POFUT1: variants seen among roughly 807,000 people sequenced by gnomAD.
POFUT1 encodes the protein GDP-fucose protein O-fucosyltransferase 1.
In POFUT1, 16 loss-of-function variants were observed where a neutral mutation model predicts 42.4. The observed-to-expected ratio is 0.38, with a 90% CI of 0.26 to 0.57. The LOEUF (loss-of-function observed/expected upper bound fraction) is 0.57. Among genes scored for constraint, POFUT1 ranks in the 20% least tolerant of loss-of-function variants. The probability of loss-of-function intolerance (pLI) is 0.71; values close to 1 mark genes in which losing one functional copy is unlikely to be tolerated. For synonymous variants in POFUT1, 206 were observed against 205.4 expected (o/e 1.00, Z -0.03); for missense variants, 470 against 504.6 (o/e 0.93, Z 0.66).
Position 32,230,900 on chromosome 20 carries a change from A to T in POFUT1, c.817A>T (p.Ser273Cys). ...TCCGCAGTGTGTGGGCTACAGCCGC[A>T]GCACAGCGGCCCCCCTCACGATGAC... ...ASPQCVGYSR[S>C]TAAPLTMTMC... Residue 273 changes from serine (S) to cysteine (C), a missense_variant, in exon 6 of 7, where the codon AGC (serine) becomes TGC (cysteine). Physicochemically the swap from Ser to Cys is moderately radical, Grantham distance 112 (BLOSUM62 -1). Coordinates refer to ENST00000375749, the MANE Select transcript of POFUT1 (RefSeq NM_015352.2). 1 of 1,614,182 alleles carries T rather than the reference A, an allele frequency of 6.2e-7. No homozygotes were observed. The highest frequency in any genetic ancestry group is 8.5e-7 in the Non-Finnish European group (1 of 1,180,026).
intron 6 of POFUT1, 144 bp from the exon 7 acceptor site, chr20:32,234,329 C>A: frequency 1.3e-6 from 1 of 780,364 alleles, no homozygotes; most frequent in South Asian, 2.0e-5. Flanking sequence ...CAATGCTTCC[C>A]TCAGACACTG....
chr20:32,233,545 G>T (rs1453124332), intron 6 of POFUT1, among the ~76,000 whole-genome samples: 1 of 152,198 alleles, frequency 6.6e-6, no homozygotes. Flanking sequence ...AGGGCGGGAA[G>T]GACAGGTGTG....
chr20:32,218,065 T>C (rs967146472), intron 4 of POFUT1: 3 of 152,218 alleles, frequency 2.0e-5, no homozygotes, highest in Admixed American at 1.3e-4. Context: ...TAAGGTCCCT[T>C]GCCCAAGGTC....
rs73903581 is a variant in POFUT1 at position 32,236,955 on chromosome 20, C to G, written c.*2294C>G. The G allele has an allele frequency of 2.6e-5, 4 of 152,176 alleles. No individual in the cohort carries two copies. The highest frequency in any genetic ancestry group is 1.3e-4 in the Admixed American group (2 of 15,278). The allele number at this position is 152,176 out of a possible 1,614,324, so 9.4% of individuals were successfully genotyped here. The stretch of plus-strand genomic sequence containing the variant: ...TAAGCCAGAATTTGACCTCCCAGAG[C>G]CAGTTTCCATTAGCTGCCATGCTCT... On this transcript the variant is annotated 3_prime_UTR_variant, in exon 7 of 7. Transcript: ENST00000375749.
At chr20:32,222,901 C>G in intron 4 of POFUT1, 5 of 985,412 alleles carry the variant, frequency 5.1e-6, no homozygotes, top group Non-Finnish European at 6.0e-6. Context: ...CCTGTGGGAA[C>G]CAGAATGAGA....
chr20:32,227,885 T>A (rs560623535), intron 4 of POFUT1, among the ~76,000 whole-genome samples: 1 of 152,316 alleles, frequency 6.6e-6, no homozygotes, highest in African/African-American at 2.4e-5. Context: ...CATGTCCCAG[T>A]CCTGCCATGT....
chr20:32,208,073 C>T lies in POFUT1; in HGVS notation c.124+8C>T, dbSNP rs1172581882. 2 of 1,544,552 alleles carry T rather than the reference C, an allele frequency of 1.3e-6. No homozygotes were observed. The highest frequency in any genetic ancestry group is 1.7e-6 in the Non-Finnish European group (2 of 1,149,224). ...TCTACTGCCCCTGCATGGGTAAGGCCTCCCAAGCCCTCTGCTCAGATGGAG... is the reference window on the plus strand; with the variant it reads ...TCTACTGCCCCTGCATGGGTAAGGCTTCCCAAGCCCTCTGCTCAGATGGAG... On this transcript the variant is annotated splice_region_variant and intron_variant, in intron 1 of 6. Transcript: ENST00000375749.
chr20:32,208,063 TG>T lies in POFUT1; in HGVS notation c.124+1del. ...PAGYLLYCPC[M>X]GRFGNQADHF... ...GGTTACCTGCTCTACTGCCCCTGCA[TG>T]GGTAAGGCCTCCCAAGCCCTCTGCT... On this transcript the variant is annotated frameshift_variant and splice_region_variant, in exon 1 of 7. Coordinates refer to ENST00000375749, the MANE Select transcript of POFUT1 (RefSeq NM_015352.2). LOFTEE classifies it high-confidence loss of function. 1 of 1,552,900 alleles carries T rather than the reference TG, an allele frequency of 6.4e-7. No individual in the cohort carries two copies.
At chr20:32,216,940 A>T (rs1314203882) in intron 4 of POFUT1, 1 of 1,600,888 alleles carries the variant, frequency 6.2e-7, no homozygotes, top group South Asian at 1.1e-5. Flanking sequence ...GAAAGAGTTC[A>T]TCGGTTGATA....
intron 2 of POFUT1, among the ~76,000 whole-genome samples, chr20:32,213,329 G>A (rs566323240): frequency 2.6e-5 from 4 of 151,794 alleles, no homozygotes; most frequent in East Asian, 1.9e-4. Context: ...CGTGGCGCCC[G>A]CCTGTAATCC....
At position 32,236,484 on chromosome 20, in the gene POFUT1, C is replaced by G. The variant is rs189336614; in HGVS notation, c.*1823C>G. On this transcript the variant is annotated 3_prime_UTR_variant, in exon 7 of 7. Coordinates refer to ENST00000375749, the MANE Select transcript of POFUT1 (RefSeq NM_015352.2). ...TCTCTGGTAGCTGAGACTGCATGCC[C>G]AGCTCCAAATCACCTTGATTCATAT... The G allele has an allele frequency of 6.6e-6, 1 of 152,206 alleles. No individual in the cohort carries two copies. Among genetic ancestry groups the G allele is most frequent in the Non-Finnish European group, 1.5e-5 (1 of 68,060 alleles). The allele number at this position is 152,206 out of a possible 1,614,324, so 9.4% of individuals were successfully genotyped here.
intron 3 of POFUT1, 23 bp from the exon 4 acceptor site, chr20:32,216,586 C>T (rs369142636): frequency 3.6e-5 from 54 of 1,483,992 alleles, no homozygotes; most frequent in Non-Finnish European, 4.8e-5. Context: ...ATCAGTAAGC[C>T]TTCCACCACT....
chr20:32,230,863 C>A lies in POFUT1; in HGVS notation c.780C>A (p.His260Gln), dbSNP rs779287832. The part of the protein sequence containing the change: ...AMLKDGTAGS[H>Q]FMASPQCVGY... Reference sequence around the variant, plus strand: ...TGAAGGACGGGACTGCAGGCTCGCACTTCATGGCCTCTCCGCAGTGTGTGG... The same window carrying A: ...TGAAGGACGGGACTGCAGGCTCGCAATTCATGGCCTCTCCGCAGTGTGTGG... The change falls in exon 6 of 7, where the codon CAC (histidine) becomes CAA (glutamine). Residue 260 changes from histidine (H) to glutamine (Q), a missense_variant. Coordinates refer to ENST00000375749, the MANE Select transcript of POFUT1 (RefSeq NM_015352.2). 1 of 1,614,172 alleles carries A rather than the reference C, an allele frequency of 6.2e-7. No homozygotes were observed. The highest frequency in any genetic ancestry group is 8.5e-7 in the Non-Finnish European group (1 of 1,180,040).
At chr20:32,213,693 C>T (rs567851384) in intron 2 of POFUT1, among the ~76,000 whole-genome samples, 2 of 152,132 alleles carry the variant, frequency 1.3e-5, no homozygotes, top group South Asian at 4.2e-4. Context: ...ATCGCTTGAA[C>T]CTGGGAGGGG....
chr20:32,234,418 G>A lies in POFUT1; in HGVS notation c.979-55G>A, dbSNP rs1369364150. On this transcript the variant is annotated intron_variant, in intron 6 of 6. Coordinates refer to ENST00000375749, the MANE Select transcript of POFUT1 (RefSeq NM_015352.2). The stretch of plus-strand genomic sequence containing the variant: ...GGGAATAAGGTTGGGGGTGTGGATG[G>A]CAGGCCTTGGCCTGTAGCCACCCCA... 3 of 1,469,110 alleles carry A rather than the reference G, an allele frequency of 2.0e-6. No homozygotes were observed. In the Admixed American group the frequency reaches 6.3e-5, roughly 31 times the overall value. 91.0% of individuals were successfully genotyped at this position (1,469,110 alleles called of 1,614,324 possible).
At chr20:32,233,181 T>C (rs984731544) in intron 6 of POFUT1, among the ~76,000 whole-genome samples, 2 of 152,090 alleles carry the variant, frequency 1.3e-5, no homozygotes, top group African/African-American at 4.8e-5. Context: ...AGAGAATCAC[T>C]AAGGAGTGGA....
At chr20:32,234,272 G>T (rs150906943) in intron 6 of POFUT1, among the ~76,000 whole-genome samples, 102 of 152,354 alleles carry the variant, frequency 6.7e-4, no homozygotes, top group African/African-American at 2.4e-3. Flanking sequence ...TTGGAGCTGA[G>T]GCTCCTGGAG....
chr20:32,214,551 G>A lies in POFUT1; in HGVS notation c.247-718G>A, dbSNP rs2047348640. Among the ~76,000 whole-genome samples, 7 of 152,314 alleles carry A rather than the reference G, an allele frequency of 4.6e-5. No homozygotes were observed. In the South Asian group the frequency reaches 1.5e-3, roughly 32 times the overall value. On this transcript the variant is annotated intron_variant, in intron 2 of 6. Transcript: ENST00000375749. ...ATTTCCCCACAAGTTAAGCTTTTCA[G>A]TTTTTGCTAGTCTCATGAGTGAGAA... is the stretch of plus-strand genomic sequence containing the variant.
chr20:32,223,468 G>C lies in POFUT1; in HGVS notation c.543-4795G>C, dbSNP rs114448824. The C allele has an allele frequency of 4.1e-6, 4 of 985,268 alleles. No homozygotes were observed. In the African/African-American group the frequency reaches 7.0e-5, roughly 17 times the overall value. The allele number at this position is 985,268 out of a possible 1,614,324, so 61.0% of individuals were successfully genotyped here. ...ATTCCAAGTCTGGAATTCACCGAAG[G>C]TTGGCTGCAGGTGCTTTCCAAGAGG... On this transcript the variant is annotated intron_variant, in intron 4 of 6. Coordinates refer to ENST00000375749, the MANE Select transcript of POFUT1 (RefSeq NM_015352.2).
Sources: gnomAD v4.1 joint callset for allele counts (sites outside exome capture counted in the v4.1 genomes callset) on GRCh38, gnomAD v4.1.1 for gene constraint, MANE v1.5 for transcripts, NCBI Gene and HGNC (gene_info 2026-07-23, HGNC 2026-07-21) for gene names.